TENM1: variants seen among roughly 807,000 people sequenced by gnomAD.
The protein encoded by TENM1 is teneurin-1.
TENM1 carries 35 observed loss-of-function variants against 174.8 expected under a neutral mutation model. The observed-to-expected ratio is 0.20, with a 90% CI of 0.15 to 0.27. TENM1 has a LOEUF of 0.27. Ranked by LOEUF, TENM1 falls within the 10% of genes least tolerant of loss-of-function variation. The pLI, the probability that TENM1 is intolerant of heterozygous loss-of-function variation, is 1.00. For missense variants in TENM1, 1,633 were observed against 2,130.1 expected (o/e 0.77, Z 4.59); for synonymous variants, 781 against 798.7 (o/e 0.98, Z 0.37).
At chrX:125,129,423 T>A in the TENM1 span, among the ~76,000 whole-genome samples, 1 of 112,097 alleles carries the variant, frequency 8.9e-6, no homozygotes, top group East Asian at 2.8e-4. Context: ...GTAAACAGGA[T>A]ATCCATCACC....
the TENM1 span, among the ~76,000 whole-genome samples, chrX:125,012,208 G>C: frequency 3.9e-4 from 44 of 111,555 alleles, no homozygotes; most frequent in East Asian, 0.01. Flanking sequence ...TGGGGAAGGA[G>C]AGCATTAGGA....
chrX:124,646,132 T>C (rs1177935251), intron 9 of TENM1, among the ~76,000 whole-genome samples: 1 of 112,149 alleles, frequency 8.9e-6, no homozygotes, highest in Non-Finnish European at 1.9e-5. Flanking sequence ...CGGGAAAACA[T>C]GATGTGATTT....
In TENM1 at chrX:124,678,784, T is replaced by G. The variant is rs192437003; in HGVS notation, c.1016-6949A>C. ...TTCAAAATATCTGAATAAGGAAAAT[T>G]TGGGTGTTGGGAAGAATTCCTTTTA... On this transcript the variant is annotated intron_variant, in intron 5 of 31. Transcript: ENST00000422452. Among the ~76,000 whole-genome samples, 39 of 111,012 alleles carry G rather than the reference T, an allele frequency of 3.5e-4. No individual in the cohort carries two copies. In the East Asian group the frequency reaches 9.9e-3, roughly 28 times the overall value.
chrX:124,611,367 A>G (rs1343817062), intron 11 of TENM1, among the ~76,000 whole-genome samples: 1 of 111,992 alleles, frequency 8.9e-6, no homozygotes, highest in African/African-American at 3.2e-5. Flanking sequence ...GGATAAAACA[A>G]TTGGGATCTT....
exon 30 of TENM1, chrX:124,384,371 A>G (rs1419329490): frequency 8.3e-7 from 1 of 1,209,384 alleles, no homozygotes; most frequent in African/African-American, 1.8e-5. Context: ...TAAGAGGTTG[A>G]TGTTTCCATT....
At chrX:124,577,471 T>C (rs987401216) in intron 11 of TENM1, among the ~76,000 whole-genome samples, 4 of 111,646 alleles carry the variant, frequency 3.6e-5, no homozygotes, top group Non-Finnish European at 7.5e-5. Flanking sequence ...CCTTATATAG[T>C]ATTTCAATGC....
At chrX:124,721,800 G>C (rs946452342) in intron 4 of TENM1, among the ~76,000 whole-genome samples, 3 of 112,306 alleles carry the variant, frequency 2.7e-5, no homozygotes, top group Non-Finnish European at 5.6e-5. Flanking sequence ...ATTGGGCATA[G>C]TTTCTATTAT....
intron 5 of TENM1, among the ~76,000 whole-genome samples, chrX:124,675,984 A>G (rs894777377): frequency 3.7e-5 from 4 of 106,993 alleles, no homozygotes; most frequent in African/African-American, 1.4e-4. Flanking sequence ...TGTGAGAAAT[A>G]CTAAGGAGCC....
At chrX:124,825,388 C>T (rs952846268) in intron 3 of TENM1, among the ~76,000 whole-genome samples, 9 of 108,378 alleles carry the variant, frequency 8.3e-5, no homozygotes, top group Admixed American at 6.0e-4. Flanking sequence ...TGGTCTTGAA[C>T]TCCTGACCTC....
chrX:125,136,051 T>G, the TENM1 span, among the ~76,000 whole-genome samples: 1 of 112,011 alleles, frequency 8.9e-6, no homozygotes, highest in Non-Finnish European at 1.9e-5. Context: ...TTTCATTTAT[T>G]ATTTTTTTCT....
chrX:125,179,506 T>C, the TENM1 span, among the ~76,000 whole-genome samples: 1 of 111,655 alleles, frequency 9.0e-6, no homozygotes, highest in African/African-American at 3.3e-5. Context: ...TTATGAACAT[T>C]TTCTTTTTCA....
intron 22 of TENM1, among the ~76,000 whole-genome samples, chrX:124,455,725 C>A (rs2061097122): frequency 9.0e-6 from 1 of 111,087 alleles, no homozygotes; most frequent in South Asian, 3.8e-4. Flanking sequence ...AATCTGGTTA[C>A]ACTGAAACTA....
chrX:124,666,187 C>A (rs1602952323), intron 6 of TENM1, among the ~76,000 whole-genome samples: 1 of 111,550 alleles, frequency 9.0e-6, no homozygotes, highest in East Asian at 2.8e-4. Context: ...ATGCCACTTT[C>A]CCCCAAGGCC....
the TENM1 span, among the ~76,000 whole-genome samples, chrX:125,103,464 C>T: frequency 0.26 from 29,156 of 110,029 alleles, 3,193 homozygotes; most frequent in African/African-American, 0.41. Context: ...CTTGGGCTCA[C>T]GGTGTGATTT....
chrX:124,843,004 T>C (rs2056533203), intron 3 of TENM1, among the ~76,000 whole-genome samples: 1 of 111,166 alleles, frequency 9.0e-6, no homozygotes, highest in African/African-American at 3.3e-5. Context: ...TACATCATCC[T>C]ACCTCTTCTC....
At chrX:124,616,835 T>C (rs1191179230) in intron 11 of TENM1, among the ~76,000 whole-genome samples, 2 of 111,548 alleles carry the variant, frequency 1.8e-5, no homozygotes, top group Non-Finnish European at 3.8e-5. Flanking sequence ...GAATGTACAG[T>C]AGAGAACTAC....
chrX:125,198,404 A>T, the TENM1 span, among the ~76,000 whole-genome samples: 1 of 111,859 alleles, frequency 8.9e-6, no homozygotes, highest in Non-Finnish European at 1.9e-5. Context: ...ATATTTTTTC[A>T]ATGTAATAGC....
intron 11 of TENM1, among the ~76,000 whole-genome samples, chrX:124,601,854 T>C (rs956216862): frequency 2.1e-4 from 23 of 111,048 alleles, no homozygotes; most frequent in African/African-American, 6.5e-4. Flanking sequence ...TGATAGACCA[T>C]TTGTATTGGA....
chrX:124,567,416 G>A (rs898864024), intron 11 of TENM1, among the ~76,000 whole-genome samples: 7 of 112,034 alleles, frequency 6.2e-5, no homozygotes, highest in African/African-American at 2.3e-4. Flanking sequence ...TGTAACTAAA[G>A]CACAAGAGGA....
Sources: allele counts gnomAD v4.1 joint callset (sites outside exome capture counted in the v4.1 genomes callset), GRCh38; gene constraint gnomAD v4.1.1; transcripts MANE v1.5; gene names NCBI Gene and HGNC (gene_info 2026-07-23, HGNC 2026-07-21).